Variants in CSTPP1 observed in about 807,000 individuals in gnomAD.
The protein encoded by CSTPP1 is UPF0705 protein C11orf49.
chr11:46,974,425 G>A, the CSTPP1 span, among the ~76,000 whole-genome samples: 1 of 151,962 alleles, frequency 6.6e-6, no homozygotes, highest in African/African-American at 2.4e-5. Flanking sequence ...CTACTTGGGA[G>A]GCTGAGGCAG....
chr11:47,056,069 A>G, the CSTPP1 span, among the ~76,000 whole-genome samples: 1 of 152,230 alleles, frequency 6.6e-6, no homozygotes, highest in African/African-American at 2.4e-5. Context: ...CAGTCTATGC[A>G]GGGATTGGTT....
chr11:47,024,816 G>A, the CSTPP1 span, among the ~76,000 whole-genome samples: 7 of 151,832 alleles, frequency 4.6e-5, no homozygotes, highest in South Asian at 2.1e-4. Flanking sequence ...TTAAATTCTC[G>A]TTTGTTTATA....
the CSTPP1 span, among the ~76,000 whole-genome samples, chr11:46,998,795 G>GCTCACACCAGTGT: frequency 1.3e-5 from 2 of 151,996 alleles, no homozygotes; most frequent in Admixed American, 6.5e-5. Flanking sequence ...GGGTGCAGTG[G>GCTCACACCAGTGT]CGCGATCTCG....
chr11:47,055,354 T>G, the CSTPP1 span, among the ~76,000 whole-genome samples: 1 of 64,646 alleles, frequency 1.5e-5, no homozygotes, highest in Admixed American at 1.9e-4. Context: ...TTCCCCTCCC[T>G]CCCTCCCCTC....
the CSTPP1 span, among the ~76,000 whole-genome samples, chr11:47,159,441 C>T: frequency 4.0e-5 from 6 of 151,666 alleles, no homozygotes; most frequent in Non-Finnish European, 1.5e-5. Context: ...GCCCAGAAGG[C>T]GGAGGTTGCG....
the CSTPP1 span, among the ~76,000 whole-genome samples, chr11:47,075,926 CAAAAAAAAAAAAA>C: frequency 2.2e-4 from 8 of 35,806 alleles, no homozygotes; most frequent in African/African-American, 5.1e-4. Context: ...GATTCATTCT[CAAAAAAAAAAAAA>C]AAAAAAAAAA....
chr11:47,074,659 G>A, the CSTPP1 span, among the ~76,000 whole-genome samples: 1 of 152,178 alleles, frequency 6.6e-6, no homozygotes, highest in Admixed American at 6.5e-5. Context: ...ACTATATTCT[G>A]TTTGTAGTGT....
chr11:47,156,994 C>G, the CSTPP1 span: 2 of 1,612,544 alleles, frequency 1.2e-6, no homozygotes, highest in Non-Finnish European at 1.7e-6. Flanking sequence ...GAGCCGTCCA[C>G]ACCCACACCC....
At chr11:46,949,725 T>C in the CSTPP1 span, among the ~76,000 whole-genome samples, 175 of 150,876 alleles carry the variant, frequency 1.2e-3, 3 homozygotes, top group South Asian at 0.035. Context: ...TGGAGTGCAA[T>C]GGCACAATCT....
chr11:47,001,495 A>G, the CSTPP1 span, among the ~76,000 whole-genome samples: 1 of 152,140 alleles, frequency 6.6e-6, no homozygotes, highest in Non-Finnish European at 1.5e-5. Context: ...AGAGATTCCA[A>G]TAGTGCATAC....
At chr11:47,060,715 G>A in the CSTPP1 span, among the ~76,000 whole-genome samples, 1 of 152,076 alleles carries the variant, frequency 6.6e-6, no homozygotes, top group African/African-American at 2.4e-5. Flanking sequence ...CTTGGGTAAT[G>A]GGTGCAACAA....
At chr11:47,102,666 A>G in the CSTPP1 span, among the ~76,000 whole-genome samples, 2 of 152,228 alleles carry the variant, frequency 1.3e-5, no homozygotes, top group African/African-American at 4.8e-5. Flanking sequence ...ATGTGCATAT[A>G]ACTGTCAATT....
the CSTPP1 span, among the ~76,000 whole-genome samples, chr11:46,979,827 C>T: frequency 6.6e-6 from 1 of 152,104 alleles, no homozygotes; most frequent in Admixed American, 6.6e-5. Context: ...GCAGGAGAAT[C>T]GCTTGAACCC....
At chr11:47,159,249 C>A in the CSTPP1 span, among the ~76,000 whole-genome samples, 1 of 152,178 alleles carries the variant, frequency 6.6e-6, no homozygotes, top group South Asian at 2.1e-4. Flanking sequence ...GTGCCTCACG[C>A]CTGTAATCCC....
chr11:47,131,454 G>C, the CSTPP1 span, among the ~76,000 whole-genome samples: 1 of 152,186 alleles, frequency 6.6e-6, no homozygotes, highest in African/African-American at 2.4e-5. Flanking sequence ...AAATGAGAAT[G>C]AGTTAGCCCT....
the CSTPP1 span, among the ~76,000 whole-genome samples, chr11:47,133,250 T>C: frequency 1.3e-5 from 2 of 152,224 alleles, no homozygotes; most frequent in Non-Finnish European, 2.9e-5. Context: ...GTGAGACTAG[T>C]GCAAGGCTTA....
the CSTPP1 span, among the ~76,000 whole-genome samples, chr11:46,969,171 C>T: frequency 6.6e-6 from 1 of 152,152 alleles, no homozygotes; most frequent in Non-Finnish European, 1.5e-5. Context: ...ACCTGGCTCA[C>T]TTTGCTAATA....
chr11:47,159,929 G>A, the CSTPP1 span: 2 of 313,712 alleles, frequency 6.4e-6, no homozygotes, highest in Non-Finnish European at 1.3e-5. Context: ...ACTTGAACCA[G>A]GGAGGCGGAG....
At chr11:47,118,068 C>T in the CSTPP1 span, among the ~76,000 whole-genome samples, 4 of 151,776 alleles carry the variant, frequency 2.6e-5, no homozygotes, top group Admixed American at 1.3e-4. Context: ...TTAGTAGAGA[C>T]GGGGTTTCAC....
Sources: allele counts gnomAD v4.1 joint callset (sites outside exome capture counted in the v4.1 genomes callset), GRCh38; gene constraint gnomAD v4.1.1; transcripts MANE v1.5; gene names NCBI Gene and HGNC (gene_info 2026-07-23, HGNC 2026-07-21).